ATP6V0D2: variants seen among roughly 807,000 people sequenced by gnomAD.
The protein encoded by ATP6V0D2 is V-type proton ATPase subunit d 2.
In ATP6V0D2, 40 loss-of-function variants were observed where a neutral mutation model predicts 40.0. The ratio of observed to expected loss-of-function variants is 1.00; its 90% CI spans 0.78 to 1.30. The LOEUF is 1.30. Ranked by LOEUF, ATP6V0D2 falls within the 50% of genes most tolerant of loss-of-function variation. The probability of loss-of-function intolerance (pLI) is 0.00; values close to 1 mark genes in which losing one functional copy is unlikely to be tolerated. For missense variants in ATP6V0D2, 470 were observed against 423.1 expected, an observed-to-expected ratio of 1.11 and a Z score of -0.97; for synonymous variants, 179 against 156.3, an observed-to-expected ratio of 1.15 and a Z score of -1.08.
chr8:86,109,283 C>A (rs993496379), intron 1 of ATP6V0D2, among the ~76,000 whole-genome samples: 2 of 152,170 alleles, frequency 1.3e-5, no homozygotes, highest in East Asian at 1.9e-4. Flanking sequence ...TTTAGATAAG[C>A]ATTTAGGGAA....
chr8:86,100,857 CA>C (rs796758762), intron 1 of ATP6V0D2, among the ~76,000 whole-genome samples: 4,771 of 130,366 alleles, frequency 0.037, 201 homozygotes, highest in African/African-American at 0.11. Flanking sequence ...TTTGTGATAC[CA>C]AAAAAAAAAA....
chr8:86,139,714 C>A, intron 3 of ATP6V0D2, 79 bp downstream of exon 3: 1 of 1,429,582 alleles, frequency 7.0e-7, no homozygotes, highest in Non-Finnish European at 9.4e-7. Flanking sequence ...TTTTTCTTCC[C>A]TGTGGTCCAA....
At chr8:86,150,912 C>T (rs1162245684) in intron 6 of ATP6V0D2, among the ~76,000 whole-genome samples, 1 of 152,180 alleles carries the variant, frequency 6.6e-6, no homozygotes, top group Admixed American at 6.5e-5. Flanking sequence ...GGTAACTTTT[C>T]CAGGGCTAGA....
intron 2 of ATP6V0D2, among the ~76,000 whole-genome samples, chr8:86,132,290 G>T (rs905125257): frequency 6.6e-6 from 1 of 152,090 alleles, no homozygotes; most frequent in Admixed American, 6.5e-5. Context: ...GATCAGGTCA[G>T]GGTATCTGAG....
At chr8:86,122,171 A>T (rs917204025) in intron 2 of ATP6V0D2, among the ~76,000 whole-genome samples, 8 of 152,174 alleles carry the variant, frequency 5.3e-5, no homozygotes, top group African/African-American at 1.9e-4. Flanking sequence ...GAAACCAGGC[A>T]TCTTTTTAAA....
chr8:86,120,764 A>T (rs1046116641), intron 2 of ATP6V0D2, among the ~76,000 whole-genome samples: 3 of 152,184 alleles, frequency 2.0e-5, no homozygotes, highest in African/African-American at 7.2e-5. Context: ...GTGTCAATGA[A>T]TTAATGCATT....
chr8:86,151,789 A>G (rs1819157938), intron 7 of ATP6V0D2, among the ~76,000 whole-genome samples: 1 of 144,696 alleles, frequency 6.9e-6, no homozygotes, highest in Non-Finnish European at 1.5e-5. Context: ...CTCCTAAAAG[A>G]GTTTACTTAA....
chr8:86,105,790 A>AT (rs1307252427), intron 1 of ATP6V0D2, among the ~76,000 whole-genome samples: 2 of 150,836 alleles, frequency 1.3e-5, no homozygotes, highest in Non-Finnish European at 3.0e-5. Context: ...AATTTTTTAT[A>AT]TTTTTAGTAG....
intron 5 of ATP6V0D2, among the ~76,000 whole-genome samples, chr8:86,148,231 A>G (rs1819098064): frequency 6.6e-6 from 1 of 151,994 alleles, no homozygotes; most frequent in Non-Finnish European, 1.5e-5. Context: ...TTCTTCTTCC[A>G]TTTCTTCTCT....
chr8:86,147,955 C>T (rs1184722006), intron 5 of ATP6V0D2, among the ~76,000 whole-genome samples: 1 of 152,172 alleles, frequency 6.6e-6, no homozygotes, highest in Non-Finnish European at 1.5e-5. Flanking sequence ...GCCAGCTGTC[C>T]TTCCCACTTC....
At chr8:86,137,265 A>G (rs1818910688) in intron 2 of ATP6V0D2, among the ~76,000 whole-genome samples, 1 of 152,104 alleles carries the variant, frequency 6.6e-6, no homozygotes, top group Admixed American at 6.6e-5. Flanking sequence ...GCCTACTTCC[A>G]GGTCTCAACT....
At chr8:86,106,679 C>T (rs1818472994) in intron 1 of ATP6V0D2, among the ~76,000 whole-genome samples, 3 of 152,076 alleles carry the variant, frequency 2.0e-5, no homozygotes, top group Admixed American at 2.0e-4. Context: ...TTCTGTTCTT[C>T]AGAGAGCACC....
At position 86,153,066 on chromosome 8, in the gene ATP6V0D2, AC is replaced by A. The variant is rs1819179211; in HGVS notation, c.*90del. The A allele has an allele frequency of 8.4e-7, 1 of 1,191,744 alleles. No homozygotes were observed. Among genetic ancestry groups the A allele is most frequent in the Admixed American group, 3.2e-5 (1 of 31,098 alleles). The allele number at this position is 1,191,744 out of a possible 1,614,324, so 73.8% of individuals were successfully genotyped here. A position where few individuals can be genotyped will look rare whatever the true frequency, so the allele number is the denominator to read the frequency against. ...AAAGAAATTATGTTATATTATCTAGACTACACAAAAGTAAGCCACACTATAT... is the reference window on the plus strand; with the variant it reads ...AAAGAAATTATGTTATATTATCTAGATACACAAAAGTAAGCCACACTATAT... On this transcript the variant is annotated 3_prime_UTR_variant, in exon 8 of 8. Transcript: ENST00000285393.
intron 2 of ATP6V0D2, among the ~76,000 whole-genome samples, chr8:86,123,938 C>A (rs1023827268): frequency 1.6e-4 from 25 of 152,264 alleles, no homozygotes; most frequent in African/African-American, 6.0e-4. Flanking sequence ...TCCATCTGGT[C>A]ATGAACATAG....
chr8:86,148,809 A>T (rs1038106513), intron 5 of ATP6V0D2, among the ~76,000 whole-genome samples: 1 of 152,046 alleles, frequency 6.6e-6, no homozygotes, highest in Non-Finnish European at 1.5e-5. Context: ...GTGGTGGCTC[A>T]TGCCTATAAT....
chr8:86,137,429 A>T (rs1035697311), intron 2 of ATP6V0D2, among the ~76,000 whole-genome samples: 12 of 152,048 alleles, frequency 7.9e-5, no homozygotes, highest in African/African-American at 2.9e-4. Context: ...CCAAGAAAGA[A>T]CTCTCTACAT....
chr8:86,127,268 A>G (rs151043769), intron 2 of ATP6V0D2, among the ~76,000 whole-genome samples: 2 of 152,336 alleles, frequency 1.3e-5, no homozygotes, highest in Non-Finnish European at 2.9e-5. Context: ...ACAAATCCAC[A>G]GTATAACAAA....
intron 1 of ATP6V0D2, among the ~76,000 whole-genome samples, chr8:86,104,177 T>C (rs1297060004): frequency 6.6e-6 from 1 of 152,034 alleles, no homozygotes; most frequent in East Asian, 1.9e-4. Flanking sequence ...AAATCAAGTG[T>C]CCCTCTGCAG....
intron 2 of ATP6V0D2, among the ~76,000 whole-genome samples, chr8:86,119,018 T>A (rs1318477509): frequency 2.0e-5 from 3 of 152,164 alleles, no homozygotes; most frequent in African/African-American, 7.2e-5. Flanking sequence ...TCAGAAAATC[T>A]GACCATGACA....
Sources: allele counts gnomAD v4.1 joint callset (sites outside exome capture counted in the v4.1 genomes callset), GRCh38; gene constraint gnomAD v4.1.1; transcripts MANE v1.5; gene names NCBI Gene and HGNC (gene_info 2026-07-23, HGNC 2026-07-21).